TAFA1: variants seen among roughly 807,000 people sequenced by gnomAD.
The protein encoded by TAFA1 is TAFA chemokine like family member 1, also known as chemokine-like protein TAFA-1.
A neutral mutation model predicts 18.5 loss-of-function variants in TAFA1; 4 were observed. The observed-to-expected ratio is 0.22, with a 90% CI of 0.11 to 0.49. TAFA1 has a LOEUF of 0.49. TAFA1 is among the 20% of genes least tolerant of loss of function. TAFA1 has a pLI of 0.98. For synonymous variants in TAFA1, 56 were observed against 55.2 expected (o/e 1.01, Z -0.06); for missense variants, 147 against 169.0 (o/e 0.87, Z 0.72).
At chr3:68,229,601 C>T (rs889408036) in intron 2 of TAFA1, among the ~76,000 whole-genome samples, 1 of 152,110 alleles carries the variant, frequency 6.6e-6, no homozygotes, top group East Asian at 1.9e-4. Context: ...GTAGCATGGC[C>T]AAGATGATTA....
chr3:68,479,237 A>ATATATAT (rs1314184316), intron 3 of TAFA1, among the ~76,000 whole-genome samples: 23 of 126,892 alleles, frequency 1.8e-4, no homozygotes, highest in African/African-American at 8.5e-4. Context: ...CTCAAAAAAA[A>ATATATAT]AAAAATATAT....
chr3:68,299,745 C>T (rs547836210), intron 2 of TAFA1, among the ~76,000 whole-genome samples: 1 of 152,312 alleles, frequency 6.6e-6, no homozygotes, highest in African/African-American at 2.4e-5. Context: ...CTTGTGCAGT[C>T]TTGGGACTTG....
chr3:68,187,706 A>G (rs549409818), intron 2 of TAFA1, among the ~76,000 whole-genome samples: 22 of 152,116 alleles, frequency 1.4e-4, no homozygotes, highest in South Asian at 1.0e-3. Context: ...CATCATATGC[A>G]AAGCAGTGTT....
intron 3 of TAFA1, among the ~76,000 whole-genome samples, chr3:68,459,930 C>A (rs1279222645): frequency 1.3e-5 from 2 of 152,150 alleles, no homozygotes; most frequent in African/African-American, 4.8e-5. Context: ...TTCAGATTCA[C>A]AAAGTAATTA....
intron 2 of TAFA1, among the ~76,000 whole-genome samples, chr3:68,229,964 T>A (rs1300716178): frequency 2.6e-5 from 4 of 152,302 alleles, no homozygotes; most frequent in East Asian, 3.9e-4. Context: ...AACTTTTTTT[T>A]AATTTTTATT....
chr3:68,436,075 A>T (rs2071263939), intron 3 of TAFA1, among the ~76,000 whole-genome samples: 1 of 152,196 alleles, frequency 6.6e-6, no homozygotes, highest in African/African-American at 2.4e-5. Context: ...GGTTAAGAGC[A>T]CGGGCTGGGG....
chr3:68,082,847 G>A (rs1261549167), intron 2 of TAFA1, among the ~76,000 whole-genome samples: 1 of 152,168 alleles, frequency 6.6e-6, no homozygotes, highest in Non-Finnish European at 1.5e-5. Flanking sequence ...AGGAAGTGGA[G>A]CTTCGGAGCT....
At chr3:68,482,483 A>T (rs182163177) in intron 3 of TAFA1, among the ~76,000 whole-genome samples, 1 of 152,334 alleles carries the variant, frequency 6.6e-6, no homozygotes, top group East Asian at 1.9e-4. Context: ...ATGGGTATAG[A>T]AATCACCTAG....
At chr3:68,173,246 A>T (rs1254014436) in intron 2 of TAFA1, among the ~76,000 whole-genome samples, 1 of 151,986 alleles carries the variant, frequency 6.6e-6, no homozygotes, top group Non-Finnish European at 1.5e-5. Context: ...TTTACTTGAA[A>T]TATGTACATT....
chr3:68,378,512 C>A (rs532629161), intron 2 of TAFA1, among the ~76,000 whole-genome samples: 5 of 152,124 alleles, frequency 3.3e-5, no homozygotes, highest in Non-Finnish European at 7.3e-5. Context: ...GCAGAAGGGA[C>A]TTGCCTTCTC....
chr3:68,132,192 C>A (rs926560708), intron 2 of TAFA1, among the ~76,000 whole-genome samples: 2 of 152,110 alleles, frequency 1.3e-5, no homozygotes, highest in Non-Finnish European at 2.9e-5. Flanking sequence ...CATCCATGTC[C>A]CTGCAAAGGA....
chr3:68,047,577 A>G (rs2106694024), intron 2 of TAFA1, among the ~76,000 whole-genome samples: 1 of 152,144 alleles, frequency 6.6e-6, no homozygotes, highest in East Asian at 1.9e-4. Context: ...AAGGAGAAAC[A>G]CCCTTCTCTG....
intron 2 of TAFA1, among the ~76,000 whole-genome samples, chr3:68,261,498 A>G (rs2067421198): frequency 6.6e-6 from 1 of 152,208 alleles, no homozygotes; most frequent in Non-Finnish European, 1.5e-5. Context: ...CACAATAGCA[A>G]AGTCTTGGAA....
At chr3:68,062,237 CA>C (rs1171410881) in intron 2 of TAFA1, among the ~76,000 whole-genome samples, 1 of 152,004 alleles carries the variant, frequency 6.6e-6, no homozygotes, top group African/African-American at 2.4e-5. Context: ...GGCACCGCAA[CA>C]GGGGATGGTG....
intron 2 of TAFA1, among the ~76,000 whole-genome samples, chr3:68,296,910 T>A (rs2107289508): frequency 6.6e-6 from 1 of 152,192 alleles, no homozygotes; most frequent in East Asian, 1.9e-4. Flanking sequence ...TGCTGGAGTG[T>A]TTGGGGAAAG....
intron 2 of TAFA1, among the ~76,000 whole-genome samples, chr3:68,097,107 C>G (rs1214011708): frequency 6.6e-6 from 1 of 152,094 alleles, no homozygotes; most frequent in Admixed American, 6.6e-5. Flanking sequence ...TCTTTTGTCA[C>G]TGTAGATGCA....
intron 2 of TAFA1, among the ~76,000 whole-genome samples, chr3:68,217,378 T>C (rs1172532753): frequency 1.3e-5 from 2 of 152,094 alleles, no homozygotes; most frequent in East Asian, 3.9e-4. Flanking sequence ...CTATAAGTTA[T>C]CTGACCAGTA....
chr3:68,328,379 CTCT>C (rs1242994627), intron 2 of TAFA1, among the ~76,000 whole-genome samples: 4 of 152,270 alleles, frequency 2.6e-5, no homozygotes, highest in Non-Finnish European at 5.9e-5. Flanking sequence ...GAAGGACAGT[CTCT>C]TCTTCTTGAT....
chr3:68,427,462 C>T (rs2071077919), intron 3 of TAFA1, among the ~76,000 whole-genome samples: 1 of 151,828 alleles, frequency 6.6e-6, no homozygotes, highest in Non-Finnish European at 1.5e-5. Context: ...TGCAACAACA[C>T]TGGAAGCTGC....
Sources: gnomAD v4.1 joint callset for allele counts (sites outside exome capture counted in the v4.1 genomes callset) on GRCh38, gnomAD v4.1.1 for gene constraint, MANE v1.5 for transcripts, NCBI Gene and HGNC (gene_info 2026-07-23, HGNC 2026-07-21) for gene names.